Variants in PARD3B observed in about 807,000 individuals in gnomAD.
PARD3B encodes partitioning defective 3 homolog B.
In PARD3B, 103 loss-of-function variants were observed where a neutral mutation model predicts 130.2. The observed-to-expected ratio is 0.79, with a 90% CI of 0.67 to 0.93. The LOEUF (loss-of-function observed/expected upper bound fraction) is 0.93, where lower values mean the gene tolerates loss of function less well. PARD3B is among the 40% of genes least tolerant of loss of function. The pLI is 0.00. For missense variants in PARD3B, 1,609 were observed against 1,499.2 expected (o/e 1.07, Z -1.21); for synonymous variants, 583 against 553.2 (o/e 1.05, Z -0.76).
At chr2:205,079,149 G>A (rs1290563329) in intron 4 of PARD3B, among the ~76,000 whole-genome samples, 1 of 152,192 alleles carries the variant, frequency 6.6e-6, no homozygotes, top group East Asian at 1.9e-4. Context: ...CAGCAATAAC[G>A]ACCAGAACAA....
chr2:204,665,515 C>T (rs1408857539), intron 1 of PARD3B, among the ~76,000 whole-genome samples: 1 of 152,132 alleles, frequency 6.6e-6, no homozygotes, highest in East Asian at 1.9e-4. Flanking sequence ...CGCCTATGAT[C>T]CCTTCTGTTT....
chr2:205,204,750 G>T (rs990747228), intron 15 of PARD3B, among the ~76,000 whole-genome samples: 1 of 152,178 alleles, frequency 6.6e-6, no homozygotes, highest in African/African-American at 2.4e-5. Context: ...TCATAGATCA[G>T]ATGGTTGTAG....
At chr2:205,235,478 G>T (rs112019404) in intron 15 of PARD3B, among the ~76,000 whole-genome samples, 3 of 152,064 alleles carry the variant, frequency 2.0e-5, no homozygotes, top group African/African-American at 7.2e-5. Context: ...GTCTACAGGG[G>T]ATATGCCCCA....
At chr2:205,302,869 A>G (rs1438706234) in intron 18 of PARD3B, among the ~76,000 whole-genome samples, 1 of 152,174 alleles carries the variant, frequency 6.6e-6, no homozygotes, top group Non-Finnish European at 1.5e-5. Context: ...TTACTTTTAA[A>G]ATGAGGCCAG....
intron 10 of PARD3B, among the ~76,000 whole-genome samples, chr2:205,126,223 C>T (rs1191751561): frequency 1.3e-5 from 2 of 152,084 alleles, no homozygotes; most frequent in Admixed American, 6.5e-5. Flanking sequence ...CTGGGATAGA[C>T]ATCTTGAGAA....
chr2:205,517,908 G>T (rs1372298739), intron 21 of PARD3B, among the ~76,000 whole-genome samples: 1 of 152,108 alleles, frequency 6.6e-6, no homozygotes, highest in Admixed American at 6.6e-5. Context: ...TGATGTCTTA[G>T]TCTTGAGTTG....
At chr2:204,600,090 G>A (rs2033449857) in intron 1 of PARD3B, among the ~76,000 whole-genome samples, 1 of 151,214 alleles carries the variant, frequency 6.6e-6, no homozygotes, top group Non-Finnish European at 1.5e-5. Flanking sequence ...TTAATCCCCT[G>A]TCAGATTGCA....
chr2:204,980,189 G>T (rs769203797), intron 3 of PARD3B, among the ~76,000 whole-genome samples: 8 of 152,160 alleles, frequency 5.3e-5, no homozygotes, highest in Admixed American at 1.3e-4. Flanking sequence ...TCATAAAATG[G>T]CCAGTAGATT....
rs193126154 is a variant in PARD3B at position 204,977,737 on chromosome 2, G to A, written c.394+12414G>A. ...TGAGGCAGGAGAATGGCGTGAGCCC[G>A]GGAGGCGGAGCTTGCAGTGAGCCGA... On this transcript the variant is annotated intron_variant, in intron 3 of 22. Transcript: ENST00000406610. Among the ~76,000 whole-genome samples the A allele has an allele frequency of 1.9e-3, 287 of 151,570 alleles. 2 individuals are homozygous for A. The highest frequency in any genetic ancestry group is 6.1e-3 in the African/African-American group (251 of 41,300).
chr2:205,080,531 A>G (rs918829554), intron 4 of PARD3B, among the ~76,000 whole-genome samples: 1 of 152,094 alleles, frequency 6.6e-6, no homozygotes, highest in African/African-American at 2.4e-5. Context: ...GTTTTTATAA[A>G]TCCATTGTTA....
rs373115023 is a variant in PARD3B at position 204,916,602 on chromosome 2, A to G, written c.223-48550A>G. Among the ~76,000 whole-genome samples, 20 of 152,308 alleles carry G rather than the reference A, an allele frequency of 1.3e-4. No homozygotes were observed. In the East Asian group the frequency reaches 3.5e-3, roughly 26 times the overall value. On this transcript the variant is annotated intron_variant, in intron 2 of 22. Coordinates refer to ENST00000406610, the MANE Select transcript of PARD3B (RefSeq NM_001302769.2). ...ATAATCCAGAAGAGTGTATTTTATA[A>G]GGAAAATAAATGAGAAAATATTTTC...
At chr2:204,718,720 C>T (rs532228991) in intron 2 of PARD3B, among the ~76,000 whole-genome samples, 3 of 152,286 alleles carry the variant, frequency 2.0e-5, no homozygotes, top group East Asian at 1.9e-4. Context: ...GGGTCAGATT[C>T]GCAGGGAGCA....
intron 22 of PARD3B, among the ~76,000 whole-genome samples, chr2:205,565,890 A>T (rs1277190421): frequency 6.6e-6 from 1 of 151,710 alleles, no homozygotes; most frequent in African/African-American, 2.4e-5. Context: ...GAAAACATAA[A>T]ATTGTAACTC....
intron 2 of PARD3B, among the ~76,000 whole-genome samples, chr2:204,821,649 T>C (rs999242763): frequency 6.6e-6 from 1 of 151,648 alleles, no homozygotes; most frequent in Admixed American, 6.6e-5. Flanking sequence ...CATATGTAAC[T>C]AACCTGCACA....
At position 205,021,101 on chromosome 2, in the gene PARD3B, T is replaced by G. The variant is rs949443554; in HGVS notation, c.395-26480T>G. Among the ~76,000 whole-genome samples, 1 of 152,156 alleles carries G rather than the reference T, an allele frequency of 6.6e-6. No homozygotes were observed. The highest frequency in any genetic ancestry group is 1.5e-5 in the Non-Finnish European group (1 of 68,032). On this transcript the variant is annotated intron_variant, in intron 3 of 22. Coordinates refer to ENST00000406610, the MANE Select transcript of PARD3B (RefSeq NM_001302769.2). The surrounding 1 kb of genome is among the most constrained non-coding windows in gnomAD (Gnocchi z 4.5). ...TGGGCAGAGAAAGCACCAGTTCCTA[T>G]GTACTACCTCCAAACCAGAAATTTC...
At chr2:204,611,732 T>C (rs1247338823) in intron 1 of PARD3B, among the ~76,000 whole-genome samples, 1 of 152,148 alleles carries the variant, frequency 6.6e-6, no homozygotes, top group Non-Finnish European at 1.5e-5. Context: ...TCGGACAAAG[T>C]CTCCAATTAT....
intron 21 of PARD3B, among the ~76,000 whole-genome samples, chr2:205,506,913 C>T (rs1371138583): frequency 6.6e-6 from 1 of 152,202 alleles, no homozygotes; most frequent in Non-Finnish European, 1.5e-5. Context: ...TGACTTCAGG[C>T]AAAGCTGGAT....
intron 2 of PARD3B, among the ~76,000 whole-genome samples, chr2:204,843,738 A>G (rs2044346290): frequency 6.6e-6 from 1 of 152,064 alleles, no homozygotes; most frequent in South Asian, 2.1e-4. Context: ...GTGCATCTGA[A>G]TTTCTGCCTT....
At chr2:204,956,128 G>A (rs915898577) in intron 2 of PARD3B, among the ~76,000 whole-genome samples, 13 of 152,188 alleles carry the variant, frequency 8.5e-5, no homozygotes, top group Non-Finnish European at 1.5e-4. Context: ...GTTGGAGAAT[G>A]ATCTTTGCAG....
Sources: allele counts gnomAD v4.1 joint callset (sites outside exome capture counted in the v4.1 genomes callset), GRCh38; gene constraint gnomAD v4.1.1; non-coding constraint Gnocchi (gnomAD v3.1); transcripts MANE v1.5; gene names NCBI Gene and HGNC (gene_info 2026-07-23, HGNC 2026-07-21).